Variants in TRMT9B observed in about 807,000 individuals in gnomAD.
TRMT9B encodes the protein tRNA methyltransferase 9B (putative), also known as probable tRNA methyltransferase 9B.
In TRMT9B, 16 loss-of-function variants were observed where a neutral mutation model predicts 11.5. The ratio of observed to expected loss-of-function variants is 1.39; its 90% CI spans 0.94 to 2.11. The LOEUF (loss-of-function observed/expected upper bound fraction) is 2.11. Ranked by LOEUF, TRMT9B falls within the 30% of genes most tolerant of loss-of-function variation. The pLI is 0.00. For synonymous variants in TRMT9B, 274 were observed against 192.4 expected (o/e 1.42, Z -3.51); for missense variants, 941 against 553.8 (o/e 1.70, Z -7.02).
At chr8:12,960,570 T>C (rs1227001683) in intron 1 of TRMT9B, 1 of 152,196 alleles carries the variant, frequency 6.6e-6, no homozygotes, top group African/African-American at 2.4e-5. Flanking sequence ...TGTCCTTCAA[T>C]AGGTGAATGG....
chr8:12,977,922 G>C (rs1563346657), intron 1 of TRMT9B, among the ~76,000 whole-genome samples: 1 of 152,098 alleles, frequency 6.6e-6, no homozygotes, highest in Non-Finnish European at 1.5e-5. Context: ...CCATCTACTA[G>C]GGAGGCTGAG....
intron 2 of TRMT9B, among the ~76,000 whole-genome samples, chr8:12,991,792 G>A (rs533688212): frequency 1.8e-4 from 28 of 152,176 alleles, no homozygotes; most frequent in Non-Finnish European, 2.2e-4. Flanking sequence ...TTAGCCAGGC[G>A]TGGTGGTGGG....
rs1434350073 is a variant in TRMT9B, at chr8:13,023,389, G to C, written c.*1345G>C. 6.0e-6 allele frequency: 1 copy of C among 167,024 alleles called. No individual in the cohort carries two copies. 10.3% of individuals were successfully genotyped at this position (167,024 alleles called of 1,614,324 possible). A position where few individuals can be genotyped will look rare whatever the true frequency, so the allele number is the denominator to read the frequency against. On this transcript the variant is annotated 3_prime_UTR_variant, in exon 5 of 5. Coordinates refer to ENST00000524591, the MANE Select transcript of TRMT9B (RefSeq NM_020844.3). Reference sequence around the variant, plus strand: ...GTATCTGGGCATTTATTTTATTGAAGGTGACTACATTTTATTAGTTATATT... The same window carrying C: ...GTATCTGGGCATTTATTTTATTGAACGTGACTACATTTTATTAGTTATATT...
intron 4 of TRMT9B, among the ~76,000 whole-genome samples, chr8:13,013,877 A>G (rs1431564637): frequency 6.6e-6 from 1 of 152,308 alleles, no homozygotes; most frequent in East Asian, 1.9e-4. Flanking sequence ...TGAACCTGGA[A>G]GGCGGAGGGT....
At chr8:13,006,713 G>C (rs1398786442) in intron 3 of TRMT9B, 30 of 1,215,784 alleles carry the variant, frequency 2.5e-5, no homozygotes, top group Non-Finnish European at 2.7e-5. Flanking sequence ...TTGTCAACCA[G>C]ATTGGAGTGC....
In TRMT9B at chr8:12,987,603, G is replaced by A. The variant is rs1310963609; in HGVS notation, c.-199-3231G>A. ...TACTTGGGAGGGGCTGAAGCAGGAG[G>A]ATCATTTGCACCTGGGAGGTCAAGG... is the stretch of plus-strand genomic sequence containing the variant. On this transcript the variant is annotated intron_variant, in intron 1 of 4. Transcript: ENST00000524591. 3.3e-5 allele frequency among the ~76,000 whole-genome samples: 5 copies of A among 151,992 alleles called. No homozygotes were observed. The East Asian group carries it at 9.7e-4, about 29-fold the overall frequency.
chr8:12,958,149 T>C (rs890477848), intron 1 of TRMT9B, among the ~76,000 whole-genome samples: 3 of 152,238 alleles, frequency 2.0e-5, no homozygotes, highest in Non-Finnish European at 2.9e-5. Flanking sequence ...ATCCATGTTA[T>C]AGTGTATATC....
intron 2 of TRMT9B, among the ~76,000 whole-genome samples, chr8:12,993,082 GA>G (rs1807665935): frequency 1.3e-5 from 2 of 151,910 alleles, no homozygotes; most frequent in African/African-American, 4.8e-5. Flanking sequence ...TCCCTCTCGG[GA>G]AAAAGTGAGT....
chr8:13,010,710 C>T, intron 3 of TRMT9B: 1 of 984,342 alleles, frequency 1.0e-6, no homozygotes, highest in Non-Finnish European at 1.2e-6. Flanking sequence ...AAGTAACTTT[C>T]CCTTTCATTT....
chr8:12,991,070 G>A (rs958865969), intron 2 of TRMT9B, 39 bp downstream of exon 2: 3 of 1,080,906 alleles, frequency 2.8e-6, no homozygotes, highest in African/African-American at 1.7e-5. Context: ...CACATACCAT[G>A]AGGTGTTTTT....
In TRMT9B at chr8:13,006,546, TTTG is replaced by T. The variant is rs1421782644; in HGVS notation, c.154+193_154+195del. On this transcript the variant is annotated intron_variant, in intron 3 of 4. Coordinates refer to ENST00000524591, the MANE Select transcript of TRMT9B (RefSeq NM_020844.3). Reference sequence around the variant, plus strand: ...TTGCTTTTCACATTGATTTTTCATTTTTGTTCTAATAGGAATCCTGAAATTGCA... The same window carrying T: ...TTGCTTTTCACATTGATTTTTCATTTTTCTAATAGGAATCCTGAAATTGCA... The T allele has an allele frequency of 3.5e-6, 5 of 1,432,760 alleles. No homozygotes were observed. In the African/African-American group the frequency reaches 5.7e-5, roughly 16 times the overall value. The allele number at this position is 1,432,760 out of a possible 1,614,324, so 88.8% of individuals were successfully genotyped here.
intron 3 of TRMT9B, chr8:13,006,644 G>C: frequency 1.1e-5 from 15 of 1,347,586 alleles, no homozygotes; most frequent in Non-Finnish European, 1.3e-5. Flanking sequence ...TCAGCAGCAA[G>C]TAAAAAACTT....
intron 4 of TRMT9B, among the ~76,000 whole-genome samples, chr8:13,016,104 A>G (rs1812601038): frequency 2.1e-5 from 3 of 142,918 alleles, no homozygotes; most frequent in Non-Finnish European, 4.5e-5. Context: ...GTATATATAT[A>G]TGATATATAT....
intron 1 of TRMT9B, among the ~76,000 whole-genome samples, chr8:12,952,931 G>T (rs908988344): frequency 6.6e-6 from 1 of 152,150 alleles, no homozygotes; most frequent in Non-Finnish European, 1.5e-5. Context: ...CTAGAGACGG[G>T]GTTTCACCAT....
rs917561032 is a variant in TRMT9B, at chr8:13,025,831, C to G, written c.*3787C>G. ...TAATTCTTATTTCTCGTTTGCCTTT[C>G]TATTTCCTTCCAAATTCTACATGCC... is the stretch of plus-strand genomic sequence containing the variant. On this transcript the variant is annotated 3_prime_UTR_variant, in exon 5 of 5. Transcript: ENST00000524591. 4 of 166,854 alleles carry G rather than the reference C, an allele frequency of 2.4e-5. No homozygotes were observed. The highest frequency in any genetic ancestry group is 9.7e-5 in the African/African-American group (4 of 41,450). 10.3% of individuals were successfully genotyped at this position (166,854 alleles called of 1,614,324 possible).
intron 4 of TRMT9B, among the ~76,000 whole-genome samples, 192 bp downstream of exon 4, chr8:13,013,049 G>C (rs1430769286): frequency 6.6e-6 from 1 of 152,158 alleles, no homozygotes; most frequent in Non-Finnish European, 1.5e-5. Context: ...ACATATGATT[G>C]TTTTAACTAT....
In TRMT9B at chr8:13,021,851, A is replaced by C. The variant is rs1168398952; in HGVS notation, c.1172A>C (p.Asp391Ala). 6.2e-7 allele frequency: 1 copy of C among 1,613,786 alleles called. No homozygotes were observed. The highest frequency in any genetic ancestry group is 1.3e-5 in the African/African-American group (1 of 74,930). Residue 391 changes from aspartate (D) to alanine (A), a missense_variant, in exon 5 of 5, where the codon GAT becomes GCT. Asp to Ala is a moderately radical substitution (Grantham distance 126). Coordinates refer to ENST00000524591, the MANE Select transcript of TRMT9B (RefSeq NM_020844.3). ...GATTCCACAGATTTCAACCCAGATG[A>C]TACAATGTCTGTCGAAGATCCACAG... ...AVDSTDFNPDDTMSVEDPQTD... is the reference protein window; with the variant it reads ...AVDSTDFNPDATMSVEDPQTD...
intron 4 of TRMT9B, among the ~76,000 whole-genome samples, chr8:13,020,704 G>T (rs1487704328): frequency 6.6e-6 from 1 of 152,190 alleles, no homozygotes; most frequent in African/African-American, 2.4e-5. Flanking sequence ...AACTGGAAGA[G>T]ACTTTATGGA....
chr8:12,952,973 C>T lies in TRMT9B; in HGVS notation c.-200+7007C>T, dbSNP rs185599634. The stretch of plus-strand genomic sequence containing the variant: ...CAGGCTGGTCTGGAACTCCTGACCT[C>T]GTGATCCGCCTGCCTCGGCCTCCCA... On this transcript the variant is annotated intron_variant, in intron 1 of 4. Coordinates refer to ENST00000524591, the MANE Select transcript of TRMT9B (RefSeq NM_020844.3). 1.2e-3 allele frequency among the ~76,000 whole-genome samples: 187 copies of T among 152,240 alleles called. 3 individuals are homozygous for T. The highest frequency in any genetic ancestry group is 4.1e-4 in the Non-Finnish European group (28 of 68,006).
Sources: allele counts gnomAD v4.1 joint callset (sites outside exome capture counted in the v4.1 genomes callset), GRCh38; gene constraint gnomAD v4.1.1; transcripts MANE v1.5; gene names NCBI Gene and HGNC (gene_info 2026-07-23, HGNC 2026-07-21).